PDZRN4: variants seen among roughly 807,000 people sequenced by gnomAD.
PDZRN4 encodes the protein PDZ domain-containing RING finger protein 4.
PDZRN4 carries 70 observed loss-of-function variants against 99.0 expected under a neutral mutation model. The observed-to-expected ratio is 0.71, with a 90% CI of 0.58 to 0.86. The LOEUF (loss-of-function observed/expected upper bound fraction) is 0.86. Among genes scored for constraint, PDZRN4 ranks in the 40% least tolerant of loss-of-function variants. The pLI, the probability that PDZRN4 is intolerant of heterozygous loss-of-function variation, is 0.00. For synonymous variants in PDZRN4, 551 were observed against 501.6 expected (o/e 1.10, Z -1.32); for missense variants, 1,474 against 1,331.2 (o/e 1.11, Z -1.67).
chr12:41,317,953 A>G (rs2120966987), intron 3 of PDZRN4, among the ~76,000 whole-genome samples: 1 of 152,320 alleles, frequency 6.6e-6, no homozygotes, highest in Admixed American at 6.5e-5. Flanking sequence ...TAAGTTGAAA[A>G]AAACCACAGG....
chr12:41,390,685 T>C (rs1565570076), intron 3 of PDZRN4, among the ~76,000 whole-genome samples: 1 of 152,018 alleles, frequency 6.6e-6, no homozygotes, highest in Non-Finnish European at 1.5e-5. Flanking sequence ...TTCAACGCAG[T>C]CTTAAATTCC....
chr12:41,401,195 C>T (rs987177622), intron 3 of PDZRN4, among the ~76,000 whole-genome samples: 6 of 152,086 alleles, frequency 3.9e-5, no homozygotes, highest in Non-Finnish European at 7.4e-5. Context: ...AAAATACCCA[C>T]GAAGATACAA....
intron 3 of PDZRN4, among the ~76,000 whole-genome samples, chr12:41,254,491 G>A (rs541003462): frequency 7.2e-5 from 11 of 152,250 alleles, no homozygotes; most frequent in Middle Eastern, 3.4e-3. Flanking sequence ...ATAATTATGC[G>A]AATGTTGATA....
chr12:41,471,857 T>A (rs970430243), intron 3 of PDZRN4, among the ~76,000 whole-genome samples: 26 of 151,916 alleles, frequency 1.7e-4, no homozygotes, highest in Non-Finnish European at 3.8e-4. Context: ...TTTTTAAAAA[T>A]ACATTTTCAT....
chr12:41,321,388 G>T (rs10748297), intron 3 of PDZRN4, among the ~76,000 whole-genome samples: 101,721 of 152,072 alleles, frequency 0.67, 37,316 homozygotes, highest in Middle Eastern at 0.82. Context: ...TTTTAATGCT[G>T]TAATTTATAA....
chr12:41,356,163 T>C (rs936839341), intron 3 of PDZRN4, among the ~76,000 whole-genome samples: 1 of 152,002 alleles, frequency 6.6e-6, no homozygotes, highest in African/African-American at 2.4e-5. Flanking sequence ...ACACTTTCAA[T>C]TTAGAAACTA....
At chr12:41,373,350 G>C (rs190630158) in intron 3 of PDZRN4, among the ~76,000 whole-genome samples, 1 of 152,164 alleles carries the variant, frequency 6.6e-6, no homozygotes, top group East Asian at 1.9e-4. Flanking sequence ...GCCTGGGAGC[G>C]CTACAGGAGA....
intron 3 of PDZRN4, among the ~76,000 whole-genome samples, chr12:41,376,549 GCC>G (rs1343969421): frequency 6.6e-6 from 1 of 152,018 alleles, no homozygotes; most frequent in Non-Finnish European, 1.5e-5. Context: ...ATCAGTTCAA[GCC>G]CTTTGCCTGT....
intron 3 of PDZRN4, among the ~76,000 whole-genome samples, chr12:41,475,776 T>A (rs1443040803): frequency 1.3e-5 from 2 of 152,222 alleles, no homozygotes; most frequent in Non-Finnish European, 2.9e-5. Context: ...GTTAGAAATG[T>A]TCAATGCCTG....
chr12:41,228,656 T>C (rs1158371487), intron 3 of PDZRN4, among the ~76,000 whole-genome samples: 1 of 152,022 alleles, frequency 6.6e-6, no homozygotes. Flanking sequence ...ATGCTCTGAG[T>C]TTTATGAATC....
chr12:41,519,325 T>C (rs1201352802), intron 5 of PDZRN4, among the ~76,000 whole-genome samples: 2 of 152,080 alleles, frequency 1.3e-5, no homozygotes, highest in East Asian at 1.9e-4. Context: ...CTACGTGCTT[T>C]AGAGATCACC....
intron 5 of PDZRN4, among the ~76,000 whole-genome samples, chr12:41,529,216 CGTGTGTGTGTGTTT>C (rs1938620432): frequency 6.7e-6 from 1 of 148,370 alleles, no homozygotes; most frequent in South Asian, 2.2e-4. Flanking sequence ...TGCATGTGCA[CGTGTGTGTGTGTTT>C]GTGTGTGTGT....
chr12:41,330,199 C>T (rs7134525), intron 3 of PDZRN4, among the ~76,000 whole-genome samples: 136,268 of 152,138 alleles, frequency 0.9, 61,259 homozygotes, highest in Middle Eastern at 0.96. Flanking sequence ...CAAAGTATTT[C>T]TGATAAAATC....
intron 3 of PDZRN4, among the ~76,000 whole-genome samples, chr12:41,232,644 A>T (rs2060056): frequency 0.94 from 142,814 of 151,868 alleles, 67,356 homozygotes; most frequent in Middle Eastern, 0.98. Context: ...CTGATGGTAG[A>T]TTTTTGCTGT....
chr12:41,199,236 A>G (rs900046580), intron 3 of PDZRN4, among the ~76,000 whole-genome samples: 4 of 152,170 alleles, frequency 2.6e-5, no homozygotes, highest in African/African-American at 9.7e-5. Flanking sequence ...GTTTTTTGAC[A>G]AATTTATGTC....
At chr12:41,513,057 A>G (rs909911351) in intron 5 of PDZRN4, among the ~76,000 whole-genome samples, 2 of 152,100 alleles carry the variant, frequency 1.3e-5, no homozygotes, top group African/African-American at 4.8e-5. Context: ...TCAGTGAACC[A>G]AAGCTGATCT....
At chr12:41,324,320 C>A (rs1951697272) in intron 3 of PDZRN4, among the ~76,000 whole-genome samples, 1 of 151,942 alleles carries the variant, frequency 6.6e-6, no homozygotes, top group Non-Finnish European at 1.5e-5. Context: ...GAAGATTAGG[C>A]CATACTTTAA....
chr12:41,384,662 C>A (rs1364113168), intron 3 of PDZRN4, among the ~76,000 whole-genome samples: 1 of 152,120 alleles, frequency 6.6e-6, no homozygotes, highest in Non-Finnish European at 1.5e-5. Context: ...TTGTGAGGCC[C>A]TTTTCTTAGC....
At chr12:41,437,334 ATATTTCTCCTTC>A (rs1226401425) in intron 3 of PDZRN4, among the ~76,000 whole-genome samples, 1 of 152,124 alleles carries the variant, frequency 6.6e-6, no homozygotes, top group Non-Finnish European at 1.5e-5. Context: ...AATGCTAAAA[ATATTTCTCCTTC>A]TTGTTGCAGA....
Sources: gnomAD v4.1 joint callset for allele counts (sites outside exome capture counted in the v4.1 genomes callset) on GRCh38, gnomAD v4.1.1 for gene constraint, MANE v1.5 for transcripts, NCBI Gene and HGNC (gene_info 2026-07-23, HGNC 2026-07-21) for gene names.